The following CADM1 variants were observed in gnomAD, a reference collection of about 807,000 sequenced individuals.
The protein encoded by CADM1 is cell adhesion molecule 1.
A neutral mutation model predicts 53.1 loss-of-function variants in CADM1; 15 were observed. The observed-to-expected ratio is 0.28, with a 90% CI of 0.19 to 0.44. CADM1 has a LOEUF of 0.44. Ranked by LOEUF, CADM1 falls within the 20% of genes least tolerant of loss-of-function variation. The pLI is 1.00. For missense variants in CADM1, 434 were observed against 611.3 expected, an observed-to-expected ratio of 0.71 and a Z score of 3.06; for synonymous variants, 281 against 243.0, an observed-to-expected ratio of 1.16 and a Z score of -1.45.
chr11:115,178,153 A>C (rs1939124820), intron 11 of CADM1, among the ~76,000 whole-genome samples: 1 of 152,242 alleles, frequency 6.6e-6, no homozygotes, highest in South Asian at 2.1e-4. Flanking sequence ...TAAGGCAAAA[A>C]ATTTTCTTTA....
chr11:115,418,670 T>C (rs1361840874), intron 1 of CADM1, among the ~76,000 whole-genome samples: 1 of 152,180 alleles, frequency 6.6e-6, no homozygotes, highest in Non-Finnish European at 1.5e-5. Context: ...CCAATGTTTG[T>C]CACTACCTGA....
chr11:115,333,145 C>T (rs1945176428), intron 1 of CADM1, among the ~76,000 whole-genome samples: 1 of 152,080 alleles, frequency 6.6e-6, no homozygotes, highest in African/African-American at 2.4e-5. Context: ...TCAAGGCCAA[C>T]CATCTTTTCT....
chr11:115,191,202 TCA>T (rs879764345), intron 9 of CADM1, among the ~76,000 whole-genome samples: 20 of 152,346 alleles, frequency 1.3e-4, no homozygotes, highest in Non-Finnish European at 2.6e-4. Context: ...TTAAAATCAC[TCA>T]TTCGTAACAG....
chr11:115,299,871 C>T (rs1312656026), intron 1 of CADM1, among the ~76,000 whole-genome samples: 1 of 151,992 alleles, frequency 6.6e-6, no homozygotes, highest in African/African-American at 2.4e-5. Flanking sequence ...CTTGAATTTG[C>T]AATGTTTAAA....
chr11:115,219,007 A>C (rs534121049), intron 5 of CADM1, among the ~76,000 whole-genome samples: 2 of 152,288 alleles, frequency 1.3e-5, no homozygotes, highest in South Asian at 4.1e-4. Context: ...CAAGCTATTA[A>C]TCCCTAAATC....
At position 115,448,529 on chromosome 11, in the gene CADM1, T is replaced by C. The variant is rs540621073; in HGVS notation, c.124+55742A>G. Among the ~76,000 whole-genome samples, 5 of 152,262 alleles carry C rather than the reference T, an allele frequency of 3.3e-5. No homozygotes were observed. The East Asian group carries it at 7.7e-4, about 24-fold the overall frequency. On this transcript the variant is annotated intron_variant, in intron 1 of 11. Transcript: ENST00000331581. Reference sequence around the variant, plus strand: ...ATCTAAAGAATCAAATTGATTAATATATAAAACATTAAAAAATTAAGTAGT... The same window carrying C: ...ATCTAAAGAATCAAATTGATTAATACATAAAACATTAAAAAATTAAGTAGT...
chr11:115,338,892 ATT>A (rs10577568), intron 1 of CADM1, among the ~76,000 whole-genome samples: 45,865 of 132,550 alleles, frequency 0.35, 8,111 homozygotes, highest in Non-Finnish European at 0.43. Flanking sequence ...TTTTTTTTTA[ATT>A]TTTTTTTTTT....
chr11:115,334,923 A>G (rs1324142496), intron 1 of CADM1, among the ~76,000 whole-genome samples: 1 of 152,128 alleles, frequency 6.6e-6, no homozygotes, highest in Non-Finnish European at 1.5e-5. Flanking sequence ...TTTTTTGCTT[A>G]CCTTCTGAAA....
At chr11:115,281,920 C>A (rs879712861) in intron 1 of CADM1, among the ~76,000 whole-genome samples, 2 of 145,488 alleles carry the variant, frequency 1.4e-5, no homozygotes, top group Non-Finnish European at 3.1e-5. Context: ...AAATAAATAA[C>A]TGGTTCATTT....
At chr11:115,181,866 G>T (rs1229453840) in intron 10 of CADM1, among the ~76,000 whole-genome samples, 2 of 152,226 alleles carry the variant, frequency 1.3e-5, no homozygotes, top group Non-Finnish European at 2.9e-5. Flanking sequence ...ATGACATGAA[G>T]CAGCCGTGCA....
At chr11:115,486,088 C>T (rs1044293775) in intron 1 of CADM1, among the ~76,000 whole-genome samples, 6 of 152,168 alleles carry the variant, frequency 3.9e-5, no homozygotes, top group African/African-American at 1.4e-4. Flanking sequence ...TCTAGTCAGC[C>T]ATCAATGGAG....
intron 1 of CADM1, among the ~76,000 whole-genome samples, chr11:115,389,501 TGAG>T (rs1156866712): frequency 4.6e-5 from 7 of 152,184 alleles, no homozygotes; most frequent in African/African-American, 1.4e-4. Context: ...TTTCAAAAAC[TGAG>T]GAGAATGGTT....
At chr11:115,479,862 G>A (rs551545359) in intron 1 of CADM1, among the ~76,000 whole-genome samples, 1 of 152,244 alleles carries the variant, frequency 6.6e-6, no homozygotes, top group East Asian at 1.9e-4. Flanking sequence ...GCATTCACAA[G>A]TTAACAATAT....
intron 1 of CADM1, chr11:115,445,879 T>C (rs1379785078): frequency 2.6e-6 from 1 of 389,638 alleles, no homozygotes; most frequent in Admixed American, 2.8e-5. Context: ...AATACAATTA[T>C]AACAATGTAC....
chr11:115,400,603 TATA>T lies in CADM1; in HGVS notation c.124+103665_124+103667del, dbSNP rs1463302374. 5.6e-5 allele frequency among the ~76,000 whole-genome samples: 8 copies of T among 142,166 alleles called. No individual in the cohort carries two copies. In the East Asian group the frequency reaches 6.1e-4, roughly 11 times the overall value. The allele number at this position is 142,166 out of a possible 152,430, so 93.3% of individuals were successfully genotyped here. ...AATATATATATATATCTCTCATATA[TATA>T]ATATATATCTTTTATATATATGTAT... is the stretch of plus-strand genomic sequence containing the variant. On this transcript the variant is annotated intron_variant, in intron 1 of 11. Transcript: ENST00000331581.
intron 1 of CADM1, among the ~76,000 whole-genome samples, chr11:115,469,246 T>TAA (rs939947519): frequency 6.6e-6 from 1 of 152,198 alleles, no homozygotes; most frequent in Non-Finnish European, 1.5e-5. Context: ...CACTCCTCTA[T>TAA]AAAAAATAAT....
chr11:115,403,361 G>A (rs1450087255), intron 1 of CADM1, among the ~76,000 whole-genome samples: 3 of 152,120 alleles, frequency 2.0e-5, no homozygotes, highest in South Asian at 2.1e-4. Flanking sequence ...ATCCTGAATC[G>A]AATCCTGGAG....
chr11:115,209,671 A>T lies in CADM1; in HGVS notation c.995-14T>A, dbSNP rs1457752150. The T allele has an allele frequency of 6.2e-7, 1 of 1,612,612 alleles. No homozygotes were observed. The highest frequency in any genetic ancestry group is 8.5e-7 in the Non-Finnish European group (1 of 1,179,586). On this transcript the variant is annotated splice_polypyrimidine_tract_variant and intron_variant, in intron 7 of 11. Transcript: ENST00000331581. ...TTGTGGGGGGATCTGGATAGAAAAA[A>T]AAAGGAAAATCAAACCCACAATGCT...
At chr11:115,274,755 A>G (rs2135058541) in intron 1 of CADM1, among the ~76,000 whole-genome samples, 1 of 152,276 alleles carries the variant, frequency 6.6e-6, no homozygotes, top group African/African-American at 2.4e-5. Flanking sequence ...GATGCTTTAG[A>G]TATCTATAAA....
Sources: allele counts gnomAD v4.1 joint callset (sites outside exome capture counted in the v4.1 genomes callset), GRCh38; gene constraint gnomAD v4.1.1; transcripts MANE v1.5; gene names NCBI Gene and HGNC (gene_info 2026-07-23, HGNC 2026-07-21).